Variants in CLIC5 observed in about 807,000 individuals in gnomAD.
CLIC5 encodes chloride intracellular channel protein 5.
Under a neutral mutation model 24.7 loss-of-function variants are expected in CLIC5, and 20 were observed. The ratio of observed to expected loss-of-function variants is 0.81; its 90% CI spans 0.57 to 1.18. The LOEUF is 1.18. CLIC5 is among the 50% of genes most tolerant of loss of function. The pLI, the probability that CLIC5 is intolerant of heterozygous loss-of-function variation, is 0.00. For synonymous variants in CLIC5, 159 were observed against 135.6 expected, an observed-to-expected ratio of 1.17 and a Z score of -1.20; for missense variants, 341 against 326.1, an observed-to-expected ratio of 1.05 and a Z score of -0.35.
At chr6:45,941,452 GC>G (rs1764127144) in intron 4 of CLIC5, 94 bp downstream of exon 4, 6 of 949,434 alleles carry the variant, frequency 6.3e-6, no homozygotes, top group Non-Finnish European at 1.0e-5. Flanking sequence ...TGCTTCTCTG[GC>G]CCAAGTATTT....
At chr6:46,113,183 C>T in the CLIC5 span, among the ~76,000 whole-genome samples, 1 of 152,210 alleles carries the variant, frequency 6.6e-6, no homozygotes, top group African/African-American at 2.4e-5. Flanking sequence ...CTGTGAGGCA[C>T]CATCAGCCAC....
chr6:46,106,509 GC>G, the CLIC5 span, among the ~76,000 whole-genome samples: 1 of 152,096 alleles, frequency 6.6e-6, no homozygotes, highest in Non-Finnish European at 1.5e-5. Flanking sequence ...CTTTTTTGGG[GC>G]CCAATTTGTT....
rs376453758 is a variant in CLIC5, at chr6:45,926,194, TAC to T, written c.407-11787_407-11786del. On this transcript the variant is annotated intron_variant, in intron 4 of 5. Coordinates refer to ENST00000339561, the MANE Select transcript of CLIC5 (RefSeq NM_016929.5). ...AGAAACATATATACACACACACACA[TAC>T]ACACACACACACACATATATACATA... Among the ~76,000 whole-genome samples, 456 of 147,490 alleles carry T rather than the reference TAC, an allele frequency of 3.1e-3. 2 individuals carry two copies. The highest frequency in any genetic ancestry group is 0.01 in the African/African-American group (403 of 40,290).
At chr6:45,896,735 C>A (rs1181460338), downstream of CLIC5, among the ~76,000 whole-genome samples, 5 of 152,202 alleles carry the variant, frequency 3.3e-5, no homozygotes, top group African/African-American at 9.7e-5. Flanking sequence ...ACAGTCACTG[C>A]CATCCTGTGC....
chr6:46,123,997 G>T, the CLIC5 span, among the ~76,000 whole-genome samples: 1 of 152,140 alleles, frequency 6.6e-6, no homozygotes, highest in Non-Finnish European at 1.5e-5. Context: ...TATGAAAATG[G>T]CCATACTGCC....
chr6:45,905,345 G>A (rs2127296617), intron 5 of CLIC5, among the ~76,000 whole-genome samples: 1 of 152,238 alleles, frequency 6.6e-6, no homozygotes, highest in Non-Finnish European at 1.5e-5. Flanking sequence ...CACTGTATAA[G>A]TGTTCCCTTT....
At position 46,038,668 on chromosome 6, in the gene CLIC5, G is replaced by A. The variant is rs138912685; in HGVS notation, c.540+41035C>T. Among the ~76,000 whole-genome samples, 272 of 152,318 alleles carry A rather than the reference G, an allele frequency of 1.8e-3. 1 individual carries two copies. The highest frequency in any genetic ancestry group is 6.4e-3 in the African/African-American group (265 of 41,568). ...TCAGCCAGACTTAATCTACATTAAT[G>A]AAAACCCACGTGTCTGGAGATTCTC... On this transcript the variant is annotated intron_variant, in intron 1 of 5. Transcript: ENST00000185206.
chr6:46,104,664 T>TA, the CLIC5 span, among the ~76,000 whole-genome samples: 1,215 of 131,348 alleles, frequency 9.3e-3, 9 homozygotes, highest in Middle Eastern at 0.03. Flanking sequence ...CTCCTATGTT[T>TA]AAAAAAAAAA....
intron 4 of CLIC5, among the ~76,000 whole-genome samples, chr6:45,936,744 C>T (rs1314503478): frequency 2.0e-5 from 3 of 152,106 alleles, no homozygotes; most frequent in Admixed American, 2.0e-4. Context: ...GCATAGGAAA[C>T]ACAGCATGTT....
the CLIC5 span, among the ~76,000 whole-genome samples, chr6:46,104,735 A>G: frequency 7.0e-4 from 106 of 152,248 alleles, no homozygotes; most frequent in African/African-American, 2.3e-3. Context: ...ACCTGTAGGA[A>G]GACCAAATTG....
chr6:45,955,024 G>T, intron 2 of CLIC5, 111 bp downstream of exon 2: 1 of 686,796 alleles, frequency 1.5e-6, no homozygotes, highest in Non-Finnish European at 2.5e-6. Flanking sequence ...TCTGGACAAT[G>T]ACGTGTGAGC....
At chr6:45,983,107 C>CG (rs1491112517) in intron 1 of CLIC5, among the ~76,000 whole-genome samples, 2 of 152,170 alleles carry the variant, frequency 1.3e-5, no homozygotes, top group African/African-American at 4.8e-5. Flanking sequence ...TTCCTTGTAA[C>CG]GTACATTCAG....
At chr6:46,015,344 C>A (rs1766961789) in intron 1 of CLIC5, 136 bp downstream of exon 1, 5 of 855,518 alleles carry the variant, frequency 5.8e-6, no homozygotes, top group Non-Finnish European at 8.1e-6. Context: ...CGCTGGCCTG[C>A]GGAAAGGCCA....
At chr6:46,100,676 T>A in the CLIC5 span, among the ~76,000 whole-genome samples, 1 of 152,190 alleles carries the variant, frequency 6.6e-6, no homozygotes, top group African/African-American at 2.4e-5. Flanking sequence ...AAGAAATACA[T>A]AAATATAGTC....
intron 1 of CLIC5, among the ~76,000 whole-genome samples, chr6:46,006,839 C>A (rs1766603681): frequency 1.3e-5 from 2 of 151,852 alleles, no homozygotes; most frequent in African/African-American, 4.8e-5. Flanking sequence ...CCACACCCGG[C>A]TAATTTTTTT....
intron 1 of CLIC5, among the ~76,000 whole-genome samples, chr6:46,035,742 CTTTTATTTTCTTTTTTT>C (rs1767639766): frequency 6.7e-6 from 1 of 149,148 alleles, no homozygotes; most frequent in Non-Finnish European, 1.5e-5. Context: ...TTTCTTTTTT[CTTTTATTTTCTTTTTTT>C]TTTTAAGATG....
chr6:46,088,161 CTGTGTGTG>C, the CLIC5 span, among the ~76,000 whole-genome samples: 2 of 146,336 alleles, frequency 1.4e-5, no homozygotes, highest in Non-Finnish European at 3.0e-5. Context: ...CGCTCTCTTT[CTGTGTGTG>C]TGTGTGTGTG....
chr6:46,122,370 C>A, the CLIC5 span, among the ~76,000 whole-genome samples: 2 of 152,310 alleles, frequency 1.3e-5, no homozygotes, highest in South Asian at 4.1e-4. Flanking sequence ...TAAAGATGTT[C>A]TTTGAAACCA....
the CLIC5 span, among the ~76,000 whole-genome samples, chr6:46,089,079 C>T: frequency 6.6e-6 from 1 of 152,062 alleles, no homozygotes; most frequent in African/African-American, 2.4e-5. Flanking sequence ...TATTTAAATT[C>T]TATTTTGGTG....
Sources: gnomAD v4.1 joint callset for allele counts (sites outside exome capture counted in the v4.1 genomes callset) on GRCh38, gnomAD v4.1.1 for gene constraint, MANE v1.5 for transcripts, NCBI Gene and HGNC (gene_info 2026-07-23, HGNC 2026-07-21) for gene names.